Variants in MS4A13 observed in about 807,000 individuals in gnomAD.
The protein encoded by MS4A13 is membrane-spanning 4-domains subfamily A member 13.
Under a neutral mutation model 18.4 loss-of-function variants are expected in MS4A13, and 21 were observed. That is an observed-to-expected ratio of 1.14 (90% confidence interval 0.81 to 1.64). MS4A13 has a LOEUF of 1.64. Ranked by LOEUF, MS4A13 falls within the 40% of genes most tolerant of loss-of-function variation. The pLI is 0.00. For missense variants in MS4A13, 173 were observed against 176.8 expected (o/e 0.98, Z 0.12); for synonymous variants, 62 against 57.2 (o/e 1.08, Z -0.38).
At chr11:60,518,971 T>C (rs1463722623) in intron 3 of MS4A13, among the ~76,000 whole-genome samples, 1 of 152,210 alleles carries the variant, frequency 6.6e-6, no homozygotes, top group Non-Finnish European at 1.5e-5. Flanking sequence ...TGCTTATTAG[T>C]TTCTGTGAGT....
At chr11:60,542,415 A>G (rs2086867677) in intron 6 of MS4A13, 104 bp from the exon 7 acceptor site, 1 of 649,190 alleles carries the variant, frequency 1.5e-6, no homozygotes, top group Non-Finnish European at 2.6e-6. Flanking sequence ...ATTTCACTCT[A>G]TAAATATCAG....
intron 6 of MS4A13, 134 bp from the exon 7 acceptor site, chr11:60,542,385 C>T (rs1368973706): frequency 3.9e-5 from 18 of 466,648 alleles, no homozygotes; most frequent in Non-Finnish European, 6.7e-5. Context: ...AGGAATGGGA[C>T]AGAAATAGGA....
chr11:60,519,094 G>A (rs1464561544), intron 3 of MS4A13, among the ~76,000 whole-genome samples: 2 of 152,182 alleles, frequency 1.3e-5, no homozygotes, highest in African/African-American at 4.8e-5. Context: ...GTAGGCAAGA[G>A]GTGATGGATT....
chr11:60,521,899 T>G (rs1199743590), intron 3 of MS4A13, among the ~76,000 whole-genome samples: 1 of 152,140 alleles, frequency 6.6e-6, no homozygotes, highest in African/African-American at 2.4e-5. Flanking sequence ...TTGTTGGACT[T>G]ACAGTTTCTC....
At chr11:60,517,728 A>T (rs1487851212) in intron 2 of MS4A13, among the ~76,000 whole-genome samples, 3 of 152,164 alleles carry the variant, frequency 2.0e-5, no homozygotes, top group Non-Finnish European at 4.4e-5. Flanking sequence ...TAGTAACCAC[A>T]TTTTCTCTGA....
intron 3 of MS4A13, among the ~76,000 whole-genome samples, chr11:60,522,223 G>T (rs796425412): frequency 0.06 from 283 of 4,678 alleles, 3 homozygotes; most frequent in Middle Eastern, 0.5. Context: ...TAGATAGATA[G>T]ATAGATAGAT....
At chr11:60,541,814 G>T (rs1201333461) in intron 6 of MS4A13, among the ~76,000 whole-genome samples, 1 of 151,954 alleles carries the variant, frequency 6.6e-6, no homozygotes, top group Non-Finnish European at 1.5e-5. Flanking sequence ...AAAGTAGGTT[G>T]AAGGCTGGGC....
chr11:60,533,465 T>C (rs1282536223), intron 6 of MS4A13, among the ~76,000 whole-genome samples: 5 of 99,218 alleles, frequency 5.0e-5, no homozygotes, highest in Middle Eastern at 4.6e-3. Context: ...GAAGGGAAGT[T>C]TAGAGAAAAA....
intron 4 of MS4A13, among the ~76,000 whole-genome samples, 159 bp downstream of exon 4, chr11:60,524,112 T>C (rs2086696277): frequency 6.6e-6 from 1 of 152,178 alleles, no homozygotes; most frequent in Non-Finnish European, 1.5e-5. Flanking sequence ...TAATTTAATA[T>C]AGACAAATAT....
At chr11:60,523,675 C>T (rs1258953739) in intron 3 of MS4A13, among the ~76,000 whole-genome samples, 1 of 152,166 alleles carries the variant, frequency 6.6e-6, no homozygotes, top group Non-Finnish European at 1.5e-5. Flanking sequence ...TGTGAATCTG[C>T]CCACTGTCCC....
chr11:60,525,246 A>G lies in MS4A13; in HGVS notation c.226A>G (p.Thr76Ala), dbSNP rs1419063594. Residue 76 changes from threonine (T) to alanine (A), a missense_variant, in exon 5 of 7, where the codon ACT becomes GCT. Coordinates refer to ENST00000378186, the MANE Select transcript of MS4A13 (RefSeq NM_001012417.3). ...AATCATAAACATCATCTGCATAATTACTACAATTACTGCAGTAACTCTAAC... is the reference window on the plus strand; with the variant it reads ...AATCATAAACATCATCTGCATAATTGCTACAATTACTGCAGTAACTCTAAC... ...TLIINIICII[T>A]TITAVTLTII... The G allele has an allele frequency of 1.3e-6, 2 of 1,569,980 alleles. No homozygotes were observed. The highest frequency in any genetic ancestry group is 1.8e-6 in the Non-Finnish European group (2 of 1,142,048).
At chr11:60,529,504 T>TG in intron 6 of MS4A13, 44 bp downstream of exon 6, 2 of 1,102,828 alleles carry the variant, frequency 1.8e-6, no homozygotes, top group Non-Finnish European at 1.3e-6. Context: ...GATGTTGATT[T>TG]CTAGTAACTA....
rs546827157 is a variant in MS4A13, at chr11:60,535,431, G to T, written c.402+5971G>T. Among the ~76,000 whole-genome samples the T allele has an allele frequency of 3.7e-5, 5 of 133,996 alleles. 1 individual carries two copies. Among genetic ancestry groups the T allele is most frequent in the Non-Finnish European group, 7.8e-5 (5 of 63,702 alleles). The allele number at this position is 133,996 out of a possible 152,430, so 87.9% of individuals were successfully genotyped here. On this transcript the variant is annotated intron_variant, in intron 6 of 6. Coordinates refer to ENST00000378186, the MANE Select transcript of MS4A13 (RefSeq NM_001012417.3). ...ATAAACTAGAAAATCTAGAAGAAATGGATACATTCCTCGACACATACACTC... is the reference window on the plus strand; with the variant it reads ...ATAAACTAGAAAATCTAGAAGAAATTGATACATTCCTCGACACATACACTC...
In MS4A13 at chr11:60,516,094, C is replaced by T. The variant is rs2086635393; in HGVS notation, c.-13+10C>T. 6.6e-6 allele frequency: 1 copy of T among 152,126 alleles called. No individual in the cohort carries two copies. Among genetic ancestry groups the T allele is most frequent in the Non-Finnish European group, 1.5e-5 (1 of 68,016 alleles). The allele number at this position is 152,126 out of a possible 1,614,324, so 9.4% of individuals were successfully genotyped here. A position where few individuals can be genotyped will look rare whatever the true frequency, so the allele number is the denominator to read the frequency against. On this transcript the variant is annotated intron_variant, in intron 2 of 6. Coordinates refer to ENST00000378186, the MANE Select transcript of MS4A13 (RefSeq NM_001012417.3). The stretch of plus-strand genomic sequence containing the variant: ...TTCTCTCGTTTTAGGGGTAAGATTT[C>T]ACTTTGACTAACTAAATTTAAGATC...
chr11:60,529,436 C>G lies in MS4A13; in HGVS notation c.378C>G (p.His126Gln), dbSNP rs192724638. 68 of 1,607,336 alleles carry G rather than the reference C, an allele frequency of 4.2e-5. No homozygotes were observed. In the Middle Eastern group the frequency reaches 1.0e-3, roughly 24 times the overall value. Residue 126 changes from histidine (H) to glutamine (Q), a missense_variant, in exon 6 of 7, where the codon CAC (histidine) becomes CAG (glutamine). Coordinates refer to ENST00000378186, the MANE Select transcript of MS4A13 (RefSeq NM_001012417.3). ...TGGAATTTTCTATTGCACTTACACA[C>G]TCAATATACAGCTGTTCCAATTTGG... is the stretch of plus-strand genomic sequence containing the variant. Reference protein sequence around the residue: ...YGLEFSIALTHSIYSCSNLFR... With the variant: ...YGLEFSIALTQSIYSCSNLFR...
At chr11:60,538,038 GA>G in intron 6 of MS4A13, among the ~76,000 whole-genome samples, 1 of 114,702 alleles carries the variant, frequency 8.7e-6, no homozygotes, top group East Asian at 3.1e-4. Flanking sequence ...GGGGTCGGGG[GA>G]GGGGGGAGGG....
At chr11:60,524,765 C>T (rs2086701435) in intron 4 of MS4A13, among the ~76,000 whole-genome samples, 1 of 151,336 alleles carries the variant, frequency 6.6e-6, no homozygotes, top group Non-Finnish European at 1.5e-5. Context: ...TGGGTTTACA[C>T]CATTCTGCCT....
At position 60,542,687 on chromosome 11, in the gene MS4A13, T is replaced by C; in HGVS notation, c.*112T>C. On this transcript the variant is annotated 3_prime_UTR_variant, in exon 7 of 7. Transcript: ENST00000378186. ...CCTACAGATTTTGTGCAAAATAAAA[T>C]ACAAACAAGGTGAATTTTTCTCCTC... 1.7e-6 allele frequency: 1 copy of C among 584,824 alleles called. No homozygotes were observed. The highest frequency in any genetic ancestry group is 3.2e-5 in the Admixed American group (1 of 30,772). 36.2% of individuals were successfully genotyped at this position (584,824 alleles called of 1,614,324 possible).
In MS4A13 at chr11:60,524,808, C is replaced by T. The variant is rs192553571; in HGVS notation, c.187-399C>T. Among the ~76,000 whole-genome samples the T allele has an allele frequency of 2.3e-3, 346 of 152,060 alleles. 1 individual carries two copies. Among genetic ancestry groups the T allele is most frequent in the African/African-American group, 7.8e-3 (325 of 41,472 alleles). ...CCAAGTAGCTGGGCCTACAGGTGCCCGCCACCAAGCCCGGCTAATTTTTTT... is the reference window on the plus strand; with the variant it reads ...CCAAGTAGCTGGGCCTACAGGTGCCTGCCACCAAGCCCGGCTAATTTTTTT... On this transcript the variant is annotated intron_variant, in intron 4 of 6. Coordinates refer to ENST00000378186, the MANE Select transcript of MS4A13 (RefSeq NM_001012417.3).
Sources: gnomAD v4.1 joint callset for allele counts (sites outside exome capture counted in the v4.1 genomes callset) on GRCh38, gnomAD v4.1.1 for gene constraint, MANE v1.5 for transcripts, NCBI Gene and HGNC (gene_info 2026-07-23, HGNC 2026-07-21) for gene names.